Variants in FMN1 observed in about 807,000 individuals in gnomAD.
The protein encoded by FMN1 is formin-1.
In FMN1, 110 loss-of-function variants were observed where a neutral mutation model predicts 132.4. The ratio of observed to expected loss-of-function variants is 0.83; its 90% CI spans 0.71 to 0.97. The LOEUF (loss-of-function observed/expected upper bound fraction) is 0.97. Among genes scored for constraint, FMN1 ranks in the 50% least tolerant of loss-of-function variants. The pLI, the probability that FMN1 is intolerant of heterozygous loss-of-function variation, is 0.00. For synonymous variants in FMN1, 722 were observed against 651.7 expected (o/e 1.11, Z -1.64); for missense variants, 1,792 against 1,705.3 (o/e 1.05, Z -0.90).
chr15:32,979,486 G>A (rs969888321), intron 7 of FMN1, among the ~76,000 whole-genome samples: 1 of 150,704 alleles, frequency 6.6e-6, no homozygotes. Flanking sequence ...AACCCGGGAG[G>A]CGGAGCTTGT....
At chr15:33,125,798 CCCTT>C (rs1963004561) in intron 4 of FMN1, among the ~76,000 whole-genome samples, 1 of 152,096 alleles carries the variant, frequency 6.6e-6, no homozygotes, top group African/African-American at 2.4e-5. Context: ...AGTGACTGAG[CCCTT>C]CCTATTTTCA....
chr15:32,949,687 A>C (rs769267806), intron 9 of FMN1, among the ~76,000 whole-genome samples: 1 of 151,876 alleles, frequency 6.6e-6, no homozygotes, highest in Non-Finnish European at 1.5e-5. Context: ...ATTACAACAA[A>C]AGCAAAAATT....
chr15:32,823,357 G>C (rs1344762672), intron 17 of FMN1, among the ~76,000 whole-genome samples: 1 of 151,480 alleles, frequency 6.6e-6, no homozygotes. Flanking sequence ...GTAGAGACAG[G>C]GTTTCACGGT....
intron 16 of FMN1, 55 bp from the exon 17 acceptor site, chr15:32,857,162 C>T: frequency 7.5e-7 from 1 of 1,338,658 alleles, no homozygotes; most frequent in Non-Finnish European, 1.1e-6. Flanking sequence ...TGAGCTCCTG[C>T]TATGGGCCAG....
At chr15:32,899,091 A>G (rs1238643016) in intron 14 of FMN1, among the ~76,000 whole-genome samples, 198 bp from the exon 15 acceptor site, 1 of 152,178 alleles carries the variant, frequency 6.6e-6, no homozygotes, top group Non-Finnish European at 1.5e-5. Context: ...ACACTGTACT[A>G]TCCTTTGTGG....
chr15:32,892,044 C>T (rs62001355), intron 15 of FMN1, among the ~76,000 whole-genome samples: 37,480 of 151,892 alleles, frequency 0.25, 4,704 homozygotes, highest in East Asian at 0.35. Context: ...GGATGCCCTT[C>T]CTTTCTTTCT....
At chr15:32,981,804 C>G (rs1215256532) in intron 7 of FMN1, among the ~76,000 whole-genome samples, 2 of 151,956 alleles carry the variant, frequency 1.3e-5, no homozygotes, top group East Asian at 1.9e-4. Flanking sequence ...ATACACATAT[C>G]AAAACACAAT....
rs563064057 is a variant in FMN1, at chr15:33,154,235, G to A, written c.680C>T (p.Ala227Val). ...KGNLLPNGAL[A>V]CSLQRRESCP... ...GCTCTCTCTCCTCTGCAGGGAGCAG[G>A]CAAGTGCCCCATTCGGGAGCAGATT... The change falls in exon 4 of 21, where the codon GCC (alanine) becomes GTC (valine). Residue 227 changes from alanine (A) to valine (V), a missense_variant. By Grantham distance (64) the Ala-to-Val change is moderately conservative (BLOSUM62 0). Coordinates refer to ENST00000616417, the MANE Select transcript of FMN1 (RefSeq NM_001277313.2). 5 of 1,536,198 alleles carry A rather than the reference G, an allele frequency of 3.3e-6. No individual in the cohort carries two copies. The East Asian group carries it at 1.2e-4, about 38-fold the overall frequency.
chr15:32,966,521 C>G (rs2031246850), intron 8 of FMN1, among the ~76,000 whole-genome samples: 1 of 152,018 alleles, frequency 6.6e-6, no homozygotes, highest in South Asian at 2.1e-4. Context: ...AAATGAGAAA[C>G]TTACTAAGAA....
chr15:32,788,890 T>C (rs934264355), intron 19 of FMN1, among the ~76,000 whole-genome samples: 4 of 152,248 alleles, frequency 2.6e-5, no homozygotes, highest in Middle Eastern at 6.8e-3. Context: ...TTTATTCCAT[T>C]AACTAATCTT....
intron 4 of FMN1, among the ~76,000 whole-genome samples, chr15:33,116,235 G>A (rs1173703909): frequency 6.6e-6 from 1 of 150,578 alleles, no homozygotes; most frequent in African/African-American, 2.4e-5. Flanking sequence ...AGTCTAGGAA[G>A]CATAATGTTC....
chr15:32,950,054 C>CATATATATATATACACATAT lies in FMN1; in HGVS notation c.3138+14052_3138+14053insATATGTGTATATATATATAT, dbSNP rs1567449834. On this transcript the variant is annotated intron_variant, in intron 9 of 20. Transcript: ENST00000616417. ...ATATACACATATATATATATATACA[C>CATATATATATATACACATAT]ATATATATATATATATATATATATA... 1.4e-3 allele frequency among the ~76,000 whole-genome samples: 7 copies of CATATATATATATACACATAT among 4,918 alleles called. 2 individuals are homozygous for CATATATATATATACACATAT. Among genetic ancestry groups the CATATATATATATACACATAT allele is most frequent in the Admixed American group, 6.7e-3 (2 of 298 alleles). The allele number at this position is 4,918 out of a possible 152,430, so 3.2% of individuals were successfully genotyped here.
chr15:33,074,076 G>A (rs1453070362), intron 5 of FMN1, among the ~76,000 whole-genome samples: 1 of 152,088 alleles, frequency 6.6e-6, no homozygotes, highest in Non-Finnish European at 1.5e-5. Context: ...GAGGTCAAGG[G>A]AAGCGGAACA....
Position 32,885,899 on chromosome 15 carries a change from A to G in FMN1, c.3835+2273T>C, listed in dbSNP as rs144291220. The stretch of plus-strand genomic sequence containing the variant: ...AATCACATCTGGTTTAGCTTTAGAC[A>G]TTTTCTGGGATTTTGCCAGCAGCTA... On this transcript the variant is annotated intron_variant, in intron 16 of 20. Transcript: ENST00000616417. Among the ~76,000 whole-genome samples the G allele has an allele frequency of 2.5e-3, 378 of 151,624 alleles. 2 individuals are homozygous for G. The highest frequency in any genetic ancestry group is 8.9e-3 in the African/African-American group (366 of 41,282).
At chr15:32,894,553 G>A (rs1306357504) in intron 15 of FMN1, among the ~76,000 whole-genome samples, 3 of 151,126 alleles carry the variant, frequency 2.0e-5, no homozygotes, top group Non-Finnish European at 4.4e-5. Context: ...AAGATAATAG[G>A]TAATTCCTCA....
At chr15:32,995,710 T>C (rs561872094) in intron 7 of FMN1, among the ~76,000 whole-genome samples, 9 of 152,364 alleles carry the variant, frequency 5.9e-5, no homozygotes, top group South Asian at 4.1e-4. Flanking sequence ...AGCCAAGTTA[T>C]GTACATGAAA....
At chr15:32,895,761 T>TAA (rs72521277) in intron 15 of FMN1, among the ~76,000 whole-genome samples, 1 of 83,022 alleles carries the variant, frequency 1.2e-5, no homozygotes, top group Non-Finnish European at 2.2e-5. Context: ...TTGTTAATTC[T>TAA]CGAGTTCATT....
chr15:32,956,269 A>G (rs1012267573), intron 9 of FMN1, among the ~76,000 whole-genome samples: 1 of 152,204 alleles, frequency 6.6e-6, no homozygotes, highest in African/African-American at 2.4e-5. Context: ...AACAGCCAAC[A>G]AGAGAAACAT....
intron 17 of FMN1, among the ~76,000 whole-genome samples, chr15:32,830,188 T>C (rs2058467460): frequency 6.6e-6 from 1 of 152,052 alleles, no homozygotes; most frequent in East Asian, 1.9e-4. Flanking sequence ...ATGAAGTTAT[T>C]GGATATGAAA....
Sources: gnomAD v4.1 joint callset for allele counts (sites outside exome capture counted in the v4.1 genomes callset) on GRCh38, gnomAD v4.1.1 for gene constraint, MANE v1.5 for transcripts, NCBI Gene and HGNC (gene_info 2026-07-23, HGNC 2026-07-21) for gene names.